The following BLTP1 variants were observed in gnomAD, a reference collection of about 807,000 sequenced individuals.
The protein encoded by BLTP1 is bridge-like lipid transfer protein family member 1, also known as fragile site-associated protein.
chr4:122,292,090 C>T, the BLTP1 span, among the ~76,000 whole-genome samples: 2 of 151,712 alleles, frequency 1.3e-5, no homozygotes, highest in Non-Finnish European at 2.9e-5. Context: ...CCTGCCTCAG[C>T]CTCCCAAGTA....
chr4:122,344,564 ACTCAATTTTATAGTTTTT>A, the BLTP1 span: 45 of 1,562,172 alleles, frequency 2.9e-5, no homozygotes, highest in Admixed American at 7.5e-4. Context: ...TATATCTGGT[ACTCAATTTTATAGTTTTT>A]AAATTAAAAT....
At chr4:122,237,498 C>A in the BLTP1 span, 1 of 513,664 alleles carries the variant, frequency 1.9e-6, no homozygotes, top group Non-Finnish European at 2.5e-6. Context: ...ACTTTTAGAG[C>A]AAAAGGGGAA....
At chr4:122,167,765 G>T in the BLTP1 span, 2 of 985,416 alleles carry the variant, frequency 2.0e-6, no homozygotes, top group Non-Finnish European at 2.4e-6. Context: ...GCTCTAGGCC[G>T]CTGAGACTTC....
the BLTP1 span, among the ~76,000 whole-genome samples, chr4:122,306,896 T>C: frequency 2.0e-5 from 3 of 152,146 alleles, no homozygotes; most frequent in Admixed American, 6.5e-5. Flanking sequence ...AGAATCCTGT[T>C]AGAAAATTGC....
the BLTP1 span, chr4:122,261,516 A>T: frequency 1.9e-4 from 182 of 982,940 alleles, no homozygotes; most frequent in Non-Finnish European, 2.2e-4. Flanking sequence ...AGAAGATAGA[A>T]ATCGAAAAAT....
At chr4:122,286,848 C>A in the BLTP1 span, 1 of 1,354,222 alleles carries the variant, frequency 7.4e-7, no homozygotes, top group South Asian at 1.4e-5. Context: ...TTTATATGTA[C>A]CAAAATATGT....
At chr4:122,175,805 G>A in the BLTP1 span, 1 of 1,333,096 alleles carries the variant, frequency 7.5e-7, no homozygotes, top group Admixed American at 1.8e-5. Flanking sequence ...AATGAGTTAA[G>A]TAAATTGTTA....
At chr4:122,280,637 TG>T in the BLTP1 span, among the ~76,000 whole-genome samples, 1 of 141,634 alleles carries the variant, frequency 7.1e-6, no homozygotes, top group Admixed American at 7.4e-5. Context: ...CACTCCAGCC[TG>T]GGCAACAACA....
At chr4:122,296,134 A>G in the BLTP1 span, among the ~76,000 whole-genome samples, 1 of 152,232 alleles carries the variant, frequency 6.6e-6, no homozygotes, top group African/African-American at 2.4e-5. Flanking sequence ...AGAGAAGTCA[A>G]ATTATCTTTG....
At chr4:122,326,849 A>C in the BLTP1 span, among the ~76,000 whole-genome samples, 1 of 151,790 alleles carries the variant, frequency 6.6e-6, no homozygotes, top group Non-Finnish European at 1.5e-5. Context: ...CCAAAGTTTT[A>C]AAAATTGGCT....
At chr4:122,261,020 T>C in the BLTP1 span, among the ~76,000 whole-genome samples, 1 of 152,164 alleles carries the variant, frequency 6.6e-6, no homozygotes, top group Non-Finnish European at 1.5e-5. Flanking sequence ...CTGATTTATG[T>C]AAAGATAGAT....
chr4:122,276,874 CT>C, the BLTP1 span: 2 of 983,762 alleles, frequency 2.0e-6, no homozygotes, highest in Non-Finnish European at 2.4e-6. Flanking sequence ...GATAGAGCTA[CT>C]GTTGGGCTTT....
the BLTP1 span, chr4:122,179,945 A>G: frequency 4.1e-6 from 4 of 984,912 alleles, no homozygotes; most frequent in Admixed American, 6.2e-5. Context: ...AGCAGTGAGC[A>G]TGTCCCCTCA....
the BLTP1 span, among the ~76,000 whole-genome samples, chr4:122,264,622 A>G: frequency 1.3e-5 from 2 of 152,232 alleles, no homozygotes; most frequent in African/African-American, 4.8e-5. Context: ...AATTATCTAT[A>G]TGTAATCATT....
chr4:122,204,685 T>C, the BLTP1 span: 1 of 610,442 alleles, frequency 1.6e-6, no homozygotes, highest in Non-Finnish European at 2.0e-6. Flanking sequence ...GGTGAGAAAA[T>C]CAGTCTGATG....
At chr4:122,239,373 G>A in the BLTP1 span, 18 of 768,292 alleles carry the variant, frequency 2.3e-5, no homozygotes, top group Non-Finnish European at 3.3e-5. Context: ...GCTACTTTGG[G>A]TATTTTATTA....
At chr4:122,194,029 AT>A in the BLTP1 span, among the ~76,000 whole-genome samples, 1 of 151,654 alleles carries the variant, frequency 6.6e-6, no homozygotes, top group Non-Finnish European at 1.5e-5. Context: ...CGCCCGGCTA[AT>A]TTTTTGTATT....
At chr4:122,242,528 A>G in the BLTP1 span, among the ~76,000 whole-genome samples, 11 of 152,186 alleles carry the variant, frequency 7.2e-5, no homozygotes, top group Non-Finnish European at 1.5e-4. Context: ...TTAAGTCTAA[A>G]TAACTGACAA....
chr4:122,253,090 T>C, the BLTP1 span, among the ~76,000 whole-genome samples: 6 of 152,190 alleles, frequency 3.9e-5, no homozygotes, highest in South Asian at 2.1e-4. Context: ...GATACAGGGC[T>C]TGGGATGCCC....
Sources: allele counts gnomAD v4.1 joint callset (sites outside exome capture counted in the v4.1 genomes callset), GRCh38; gene constraint gnomAD v4.1.1; transcripts MANE v1.5; gene names NCBI Gene and HGNC (gene_info 2026-07-23, HGNC 2026-07-21).